The following KNTC1 variants were observed in gnomAD, a reference collection of about 807,000 sequenced individuals.
The protein encoded by KNTC1 is kinetochore-associated protein 1.
In KNTC1, 253 loss-of-function variants were observed where a neutral mutation model predicts 314.4. The observed-to-expected ratio is 0.80, with a 90% CI of 0.73 to 0.89. KNTC1 has a LOEUF of 0.89. KNTC1 is among the 40% of genes least tolerant of loss of function. KNTC1 has a pLI of 0.00. For missense variants in KNTC1, 2,475 were observed against 2,572.9 expected, an observed-to-expected ratio of 0.96 and a Z score of 0.82; for synonymous variants, 901 against 901.4, an observed-to-expected ratio of 1.00 and a Z score of 0.01.
chr12:122,620,454 A>T lies in KNTC1; in HGVS notation c.6150-25A>T, dbSNP rs370551693. The stretch of plus-strand genomic sequence containing the variant: ...AATCTAGTGAATCTGCCAGATTATT[A>T]ACTAATTAATGTTCTCTCTCGAAGA... On this transcript the variant is annotated intron_variant, in intron 59 of 63. Transcript: ENST00000333479. 54 of 1,602,472 alleles carry T rather than the reference A, an allele frequency of 3.4e-5. No homozygotes were observed. In the African/African-American group the frequency reaches 5.5e-4, roughly 16 times the overall value.
At chr12:122,550,696 T>C (rs1593517821) in intron 13 of KNTC1, among the ~76,000 whole-genome samples, 2 of 152,140 alleles carry the variant, frequency 1.3e-5, no homozygotes, top group Non-Finnish European at 2.9e-5. Context: ...AGAGAGGTGG[T>C]CTCACTATGT....
intron 29 of KNTC1, among the ~76,000 whole-genome samples, 163 bp downstream of exon 29, chr12:122,576,062 G>A (rs1199610697): frequency 6.6e-6 from 1 of 151,950 alleles, no homozygotes; most frequent in African/African-American, 2.4e-5. Flanking sequence ...ATTTATGAGA[G>A]TATTTATTCT....
chr12:122,590,786 G>A (rs1310746828), intron 41 of KNTC1, 51 bp downstream of exon 41: 21 of 1,555,716 alleles, frequency 1.3e-5, no homozygotes, highest in Admixed American at 1.9e-5. Context: ...CAAGATTGGG[G>A]GGGAGAAATG....
In KNTC1 at chr12:122,577,804, C is replaced by T; in HGVS notation, c.2841+13C>T. On this transcript the variant is annotated intron_variant, in intron 31 of 63. Transcript: ENST00000333479. ...TCATTCTAAAGAGGTGACATTTTCA[C>T]TAAGTAAAATATAAGTAAATCCAAT... 1.2e-6 allele frequency: 2 copies of T among 1,606,236 alleles called. No homozygotes were observed. Among genetic ancestry groups the T allele is most frequent in the Non-Finnish European group, 1.7e-6 (2 of 1,176,774 alleles).
In KNTC1 at chr12:122,582,769, G is replaced by T. The variant is rs370881274; in HGVS notation, c.3047G>T (p.Arg1016Leu). ...AATAGTTCCCTGGTAGCAGATCTCC[G>T]TGAGCAGCACATTAAAGCTCACGAA... ...YSNSSLVADL[R>L]EQHIKAHEVA... The change falls in exon 34 of 64, where the codon CGT becomes CTT. Residue 1016 changes from arginine to leucine, a missense_variant. By Grantham distance (102) the Arg-to-Leu change is moderately radical. Coordinates refer to ENST00000333479, the MANE Select transcript of KNTC1 (RefSeq NM_014708.6). The T allele has an allele frequency of 1.9e-4, 313 of 1,612,460 alleles. 3 individuals carry two copies. The South Asian group carries it at 3.3e-3, about 17-fold the overall frequency.
intron 29 of KNTC1, among the ~76,000 whole-genome samples, chr12:122,576,437 T>C (rs1394805080): frequency 1.3e-5 from 2 of 152,016 alleles, no homozygotes; most frequent in Non-Finnish European, 2.9e-5. Context: ...TCCCAGCACT[T>C]TGGGAGGCCA....
chr12:122,569,168 G>T (rs1964529467), intron 21 of KNTC1, among the ~76,000 whole-genome samples: 1 of 152,158 alleles, frequency 6.6e-6, no homozygotes, highest in Non-Finnish European at 1.5e-5. Flanking sequence ...ACCAAAAAAA[G>T]AGTCTAACTC....
intron 16 of KNTC1, among the ~76,000 whole-genome samples, chr12:122,554,070 A>ATATATATATATATATATAT (rs1555224793): frequency 4.3e-5 from 3 of 69,156 alleles, no homozygotes; most frequent in African/African-American, 1.3e-4. Context: ...TCCTTAAAAA[A>ATATATATATATATATATAT]AAAAAAATAT....
chr12:122,605,117 A>C, intron 50 of KNTC1, 30 bp downstream of exon 50: 1 of 1,555,632 alleles, frequency 6.4e-7, no homozygotes, highest in Non-Finnish European at 8.7e-7. Flanking sequence ...TTTGTTGTCC[A>C]AGAAAAGCTA....
intron 44 of KNTC1, among the ~76,000 whole-genome samples, 184 bp from the exon 45 acceptor site, chr12:122,601,352 T>A (rs545798115): frequency 9.8e-5 from 15 of 152,334 alleles, no homozygotes; most frequent in Admixed American, 5.9e-4. Context: ...CCCAAAGTGC[T>A]AGGATTACAG....
At chr12:122,609,921 A>T (rs1872938066) in intron 52 of KNTC1, among the ~76,000 whole-genome samples, 1 of 152,218 alleles carries the variant, frequency 6.6e-6, no homozygotes, top group South Asian at 2.1e-4. Context: ...CGAATGTGGC[A>T]ATCCATTAAT....
chr12:122,613,218 T>C lies in KNTC1; in HGVS notation c.5729T>C (p.Ile1910Thr), dbSNP rs1470978655. 7.0e-6 allele frequency: 11 copies of C among 1,581,556 alleles called. No individual in the cohort carries two copies. The highest frequency in any genetic ancestry group is 2.2e-5 in the East Asian group (1 of 44,704). Residue 1910 changes from isoleucine to threonine, a missense_variant, in exon 54 of 64, where the codon ATT becomes ACT. Coordinates refer to ENST00000333479, the MANE Select transcript of KNTC1 (RefSeq NM_014708.6). The part of the protein sequence containing the change: ...ETIESLFKKP[I>T]EEVKSYLRCI... ...ATAGAATCTCTCTTTAAAAAACCCA[T>C]TGAAGAAGTGAAGTAAGTAGAAATG... is the stretch of plus-strand genomic sequence containing the variant.
Position 122,585,680 on chromosome 12 carries a change from C to A in KNTC1, c.3579C>A (p.Tyr1193Ter). ...AAGATCCATATGAAGAGTGGTCTTA[C>A]AGTGACTTCTTCAGTGAAGATGGAA... ...THKDPYEEWS[Y>*]SDFFSEDGIV... is the part of the protein sequence containing the mutation. Residue 1193 changes from tyrosine (Y) to a stop codon, truncating the protein, a stop_gained, in exon 37 of 64, where the codon TAC becomes TAA. Transcript: ENST00000333479. LOFTEE classifies it high-confidence loss of function. 6.2e-7 allele frequency: 1 copy of A among 1,613,492 alleles called. No homozygotes were observed. The highest frequency in any genetic ancestry group is 8.5e-7 in the Non-Finnish European group (1 of 1,179,474).
intron 20 of KNTC1, among the ~76,000 whole-genome samples, chr12:122,565,420 C>A (rs1321178239): frequency 6.6e-6 from 1 of 151,666 alleles, no homozygotes; most frequent in South Asian, 2.1e-4. Context: ...ACGCCTGGAC[C>A]GAGTTGTTCT....
intron 59 of KNTC1, among the ~76,000 whole-genome samples, chr12:122,618,951 A>T (rs1874096726): frequency 6.6e-6 from 1 of 151,044 alleles, no homozygotes; most frequent in African/African-American, 2.4e-5. Context: ...CCCGGCTATT[A>T]TTTGTAATTT....
intron 62 of KNTC1, among the ~76,000 whole-genome samples, chr12:122,624,121 T>G (rs1874745217): frequency 6.6e-6 from 1 of 152,074 alleles, no homozygotes; most frequent in African/African-American, 2.4e-5. Flanking sequence ...TCATAAAACC[T>G]CTAACCTTCT....
intron 2 of KNTC1, among the ~76,000 whole-genome samples, chr12:122,531,796 T>A (rs1209030925): frequency 1.3e-5 from 2 of 152,084 alleles, no homozygotes; most frequent in Admixed American, 6.6e-5. Flanking sequence ...TACAGTGGCA[T>A]GATCTCAGCT....
intron 53 of KNTC1, among the ~76,000 whole-genome samples, chr12:122,612,391 T>C (rs1204338880): frequency 3.5e-5 from 5 of 143,762 alleles, no homozygotes; most frequent in African/African-American, 1.2e-4. Context: ...GTGAAATTTG[T>C]CTTTGGTTTT....
At position 122,584,284 on chromosome 12, in the gene KNTC1, G is replaced by A; in HGVS notation, c.3270G>A (p.Leu1090=). The change falls in exon 35 of 64, where the codon TTG becomes TTA. Residue 1090 remains leucine (L), a synonymous_variant. Transcript: ENST00000333479. ...TACTTTCTTTCTTCCAAAGCGACTT[G>A]TTTAAGTATCACTGCAATGCTGACA... ...IKTALKKCSD[L]FKYHCNADTG... is the part of the protein sequence containing the mutation. The A allele has an allele frequency of 6.2e-7, 1 of 1,608,994 alleles. No homozygotes were observed. The highest frequency in any genetic ancestry group is 1.7e-5 in the Admixed American group (1 of 59,380).
Sources: gnomAD v4.1 joint callset for allele counts (sites outside exome capture counted in the v4.1 genomes callset) on GRCh38, gnomAD v4.1.1 for gene constraint, MANE v1.5 for transcripts, NCBI Gene and HGNC (gene_info 2026-07-23, HGNC 2026-07-21) for gene names.